TRDN: variants seen among roughly 807,000 people sequenced by gnomAD.
The protein encoded by TRDN is triadin.
A neutral mutation model predicts 149.7 loss-of-function variants in TRDN; 161 were observed. The observed-to-expected ratio is 1.08, with a 90% CI of 0.95 to 1.23. The LOEUF (loss-of-function observed/expected upper bound fraction) is 1.23, where lower values mean the gene tolerates loss of function less well. TRDN is among the 50% of genes most tolerant of loss of function. The probability of loss-of-function intolerance (pLI) is 0.00; values close to 1 mark genes in which losing one functional copy is unlikely to be tolerated. For synonymous variants in TRDN, 294 were observed against 250.5 expected (o/e 1.17, Z -1.64); for missense variants, 896 against 823.5 (o/e 1.09, Z -1.08).
At chr6:123,452,026 AG>A in intron 10 of TRDN, among the ~76,000 whole-genome samples, 1 of 152,292 alleles carries the variant, frequency 6.6e-6, no homozygotes, top group Non-Finnish European at 1.5e-5. Flanking sequence ...ATGCAGAAAA[AG>A]CATGAGACAA....
At chr6:123,372,589 G>T (rs565442183) in intron 19 of TRDN, among the ~76,000 whole-genome samples, 1 of 152,244 alleles carries the variant, frequency 6.6e-6, no homozygotes, top group East Asian at 1.9e-4. Context: ...CCTTGAGGTG[G>T]AATAAAGTGA....
At chr6:123,278,826 G>T (rs1345804852) in intron 25 of TRDN, among the ~76,000 whole-genome samples, 1 of 152,122 alleles carries the variant, frequency 6.6e-6, no homozygotes, top group Non-Finnish European at 1.5e-5. Flanking sequence ...TAATGACAAG[G>T]TAAGGAAAGA....
rs1778835124 is a variant in TRDN, at chr6:123,504,514, A to T, written c.611-613T>A. 2.0e-5 allele frequency among the ~76,000 whole-genome samples: 3 copies of T among 152,314 alleles called. No individual in the cohort carries two copies. In the South Asian group the frequency reaches 6.2e-4, roughly 32 times the overall value. ...AGTCTAATGATTTGGCCTTAGAAAA[A>T]CTGAAAGTGAAGAAATTCAGATATT... On this transcript the variant is annotated intron_variant, in intron 7 of 40. Transcript: ENST00000334268.
chr6:123,262,409 GTTT>G (rs1776804734), intron 33 of TRDN, among the ~76,000 whole-genome samples: 1 of 151,050 alleles, frequency 6.6e-6, no homozygotes, highest in Non-Finnish European at 1.5e-5. Flanking sequence ...TTGTTTGTTT[GTTT>G]ATTTGCACAG....
chr6:123,535,744 C>T (rs184096490), intron 4 of TRDN, among the ~76,000 whole-genome samples: 27 of 152,158 alleles, frequency 1.8e-4, no homozygotes, highest in Non-Finnish European at 3.2e-4. Flanking sequence ...AAACTAGTCA[C>T]ATTTTTAGAT....
At chr6:123,281,760 A>T (rs1777590932) in intron 24 of TRDN, among the ~76,000 whole-genome samples, 1 of 152,094 alleles carries the variant, frequency 6.6e-6, no homozygotes, top group African/African-American at 2.4e-5. Flanking sequence ...CTATTCCCAC[A>T]AAGCTGTCCA....
chr6:123,383,517 A>G (rs1781796708), intron 14 of TRDN, among the ~76,000 whole-genome samples: 1 of 152,070 alleles, frequency 6.6e-6, no homozygotes, highest in South Asian at 2.1e-4. Context: ...AGTAATGGGC[A>G]TATTAAACAC....
At chr6:123,335,964 G>A (rs1368947080) in intron 22 of TRDN, among the ~76,000 whole-genome samples, 1 of 151,938 alleles carries the variant, frequency 6.6e-6, no homozygotes. Flanking sequence ...TATTACATGA[G>A]AGTGGAGGCT....
chr6:123,327,660 C>T (rs1485446036), intron 23 of TRDN, among the ~76,000 whole-genome samples: 1 of 151,990 alleles, frequency 6.6e-6, no homozygotes, highest in Non-Finnish European at 1.5e-5. Flanking sequence ...GAATGCTAAA[C>T]ATTAATTTTC....
intron 12 of TRDN, among the ~76,000 whole-genome samples, chr6:123,416,267 GATA>G (rs1346724010): frequency 1.3e-5 from 2 of 151,898 alleles, no homozygotes; most frequent in African/African-American, 2.4e-5. Context: ...CCTCACTCAG[GATA>G]ATATCTTTTG....
chr6:123,221,325 T>C lies in TRDN; in HGVS notation c.2050+162A>G, dbSNP rs115168210. ...TTGCCTAACACAAAAGTGATACGCTTCTTTTTAAAATATAAATGACCTACT... is the reference window on the plus strand; with the variant it reads ...TTGCCTAACACAAAAGTGATACGCTCCTTTTTAAAATATAAATGACCTACT... On this transcript the variant is annotated intron_variant, in intron 40 of 40. Coordinates refer to ENST00000334268, the MANE Select transcript of TRDN (RefSeq NM_006073.4). Among the ~76,000 whole-genome samples the C allele has an allele frequency of 7.9e-3, 1,207 of 151,930 alleles. 13 individuals carry two copies. The highest frequency in any genetic ancestry group is 0.028 in the African/African-American group (1,155 of 41,514).
At position 123,265,435 on chromosome 6, in the gene TRDN, T is replaced by C. The variant is rs1776908243; in HGVS notation, c.1784-97A>G. ...TATATTTCCTATTTTTGCTTTTTAT[T>C]GTAAAAATAAGACTAAACTTATATC... On this transcript the variant is annotated intron_variant, in intron 32 of 40. Transcript: ENST00000334268. 2.3e-5 allele frequency: 18 copies of C among 781,274 alleles called. No homozygotes were observed. The South Asian group carries it at 3.9e-4, about 17-fold the overall frequency. 48.4% of individuals were successfully genotyped at this position (781,274 alleles called of 1,614,324 possible). A position where few individuals can be genotyped will look rare whatever the true frequency, so the allele number is the denominator to read the frequency against.
chr6:123,319,224 T>C (rs959537787), intron 23 of TRDN, among the ~76,000 whole-genome samples: 7 of 150,252 alleles, frequency 4.7e-5, no homozygotes, highest in African/African-American at 9.8e-5. Flanking sequence ...AATTTTCTCT[T>C]TTTTTTTTAA....
chr6:123,629,245 G>T (rs1785839612), intron 1 of TRDN, among the ~76,000 whole-genome samples: 1 of 152,058 alleles, frequency 6.6e-6, no homozygotes, highest in Admixed American at 6.6e-5. Context: ...TCCAAGGAAA[G>T]TTTGCTAAAT....
At chr6:123,544,797 T>G (rs1047930338) in intron 4 of TRDN, among the ~76,000 whole-genome samples, 3 of 152,108 alleles carry the variant, frequency 2.0e-5, no homozygotes. Context: ...ATAAAGACAC[T>G]AGGTACTACA....
At chr6:123,364,407 G>A (rs1197376625) in intron 20 of TRDN, among the ~76,000 whole-genome samples, 8 of 152,204 alleles carry the variant, frequency 5.3e-5, no homozygotes, top group African/African-American at 1.9e-4. Flanking sequence ...GAGAGGCTGA[G>A]GCGGGCAGAT....
At chr6:123,510,155 T>G (rs1410012999) in intron 7 of TRDN, 1 of 152,160 alleles carries the variant, frequency 6.6e-6, no homozygotes, top group Admixed American at 6.6e-5. Flanking sequence ...TTATTTTAAT[T>G]TAATCTTGAA....
chr6:123,470,662 G>C (rs1777101639), intron 9 of TRDN: 1 of 152,182 alleles, frequency 6.6e-6, no homozygotes, highest in African/African-American at 2.4e-5. Context: ...GAACATTTTA[G>C]GCTGCTCATG....
intron 3 of TRDN, among the ~76,000 whole-genome samples, chr6:123,548,024 T>G (rs1236684262): frequency 6.6e-6 from 1 of 152,108 alleles, no homozygotes; most frequent in African/African-American, 2.4e-5. Flanking sequence ...TTTCTGCTAT[T>G]TGACTATAAA....
Sources: gnomAD v4.1 joint callset for allele counts (sites outside exome capture counted in the v4.1 genomes callset) on GRCh38, gnomAD v4.1.1 for gene constraint, MANE v1.5 for transcripts, NCBI Gene and HGNC (gene_info 2026-07-23, HGNC 2026-07-21) for gene names.